Variants in ADGRL3 observed in about 807,000 individuals in gnomAD.
ADGRL3 encodes the protein calcium-independent alpha-latrotoxin receptor 3.
In ADGRL3, 62 loss-of-function variants were observed where a neutral mutation model predicts 153.5. The observed-to-expected ratio is 0.40, with a 90% CI of 0.33 to 0.50. ADGRL3 has a LOEUF of 0.50. ADGRL3 is among the 20% of genes least tolerant of loss of function. The pLI is 0.47. For synonymous variants in ADGRL3, 710 were observed against 672.5 expected, an observed-to-expected ratio of 1.06 and a Z score of -0.86; for missense variants, 1,641 against 1,859.4, an observed-to-expected ratio of 0.88 and a Z score of 2.16.
chr4:61,354,966 A>G (rs1029380736), intron 1 of ADGRL3, among the ~76,000 whole-genome samples: 1 of 152,086 alleles, frequency 6.6e-6, no homozygotes, highest in East Asian at 1.9e-4. Flanking sequence ...ATTGATTGGA[A>G]TATTTATGTT....
chr4:62,045,926 T>C (rs978949857), intron 25 of ADGRL3, among the ~76,000 whole-genome samples: 2 of 151,980 alleles, frequency 1.3e-5, no homozygotes, highest in African/African-American at 2.4e-5. Flanking sequence ...TATTCTTATC[T>C]TTTTCAATTT....
intron 1 of ADGRL3, among the ~76,000 whole-genome samples, chr4:61,365,027 A>G (rs2096369082): frequency 6.6e-6 from 1 of 152,166 alleles, no homozygotes; most frequent in African/African-American, 2.4e-5. Flanking sequence ...TCTCTAAAAG[A>G]CAGAAAAAAA....
At chr4:61,496,694 C>A (rs1242634408) in intron 2 of ADGRL3, among the ~76,000 whole-genome samples, 13 of 151,864 alleles carry the variant, frequency 8.6e-5, no homozygotes, top group Non-Finnish European at 1.8e-4. Flanking sequence ...GTAATCCCTG[C>A]ACTTTGGGAG....
chr4:62,069,252 C>T (rs1744598122), intron 26 of ADGRL3, among the ~76,000 whole-genome samples: 2 of 152,058 alleles, frequency 1.3e-5, no homozygotes, highest in Non-Finnish European at 2.9e-5. Flanking sequence ...ATCCATCACT[C>T]ATTATATAAT....
At chr4:61,362,813 T>A (rs949162357) in intron 1 of ADGRL3, among the ~76,000 whole-genome samples, 1 of 152,120 alleles carries the variant, frequency 6.6e-6, no homozygotes, top group Non-Finnish European at 1.5e-5. Context: ...AGTCAAACTA[T>A]ATAAAGTTTC....
At chr4:61,987,818 A>G (rs906494838) in intron 19 of ADGRL3, among the ~76,000 whole-genome samples, 4 of 152,110 alleles carry the variant, frequency 2.6e-5, no homozygotes, top group Admixed American at 1.3e-4. Context: ...GAATAAAACC[A>G]TTGAATATCT....
chr4:61,402,503 A>G (rs533415287), intron 2 of ADGRL3, among the ~76,000 whole-genome samples: 5 of 152,248 alleles, frequency 3.3e-5, no homozygotes, highest in South Asian at 2.1e-4. Flanking sequence ...GGACAGATCA[A>G]CTTAAAAATG....
rs114219873 is a variant in ADGRL3, at chr4:61,234,766, G to A, written c.-240+33001G>A. Reference sequence around the variant, plus strand: ...TGAAGGGTGGTGTTACCTGAAAGACGACTGCAGTAGGATGATGACCGAATG... The same window carrying A: ...TGAAGGGTGGTGTTACCTGAAAGACAACTGCAGTAGGATGATGACCGAATG... On this transcript the variant is annotated intron_variant, in intron 1 of 26. Coordinates refer to ENST00000683033, the MANE Select transcript of ADGRL3 (RefSeq NM_001387552.1). Among the ~76,000 whole-genome samples the A allele has an allele frequency of 8.7e-3, 1,320 of 152,216 alleles. 7 individuals carry two copies. Among genetic ancestry groups the A allele is most frequent in the Non-Finnish European group, 0.014 (968 of 68,002 alleles).
rs58884223 is a variant in ADGRL3 at position 61,909,761 on chromosome 4, A to ATG, written c.2073+56_2073+57dup. ...TTTGAACAAGGTAAGGACCCTAATTATGTGTGTGTGTGTGTGTGTGTGTGT... is the reference window on the plus strand; with the variant it reads ...TTTGAACAAGGTAAGGACCCTAATTATGTGTGTGTGTGTGTGTGTGTGTGTGT... On this transcript the variant is annotated intron_variant, in intron 12 of 26. Coordinates refer to ENST00000683033, the MANE Select transcript of ADGRL3 (RefSeq NM_001387552.1). The ATG allele has an allele frequency of 0.017, 20,340 of 1,183,320 alleles. 185 individuals are homozygous for ATG. Among genetic ancestry groups the ATG allele is most frequent in the Admixed American group, 0.074 (2,997 of 40,380 alleles). 73.3% of individuals were successfully genotyped at this position (1,183,320 alleles called of 1,614,324 possible). A position where few individuals can be genotyped will look rare whatever the true frequency, so the allele number is the denominator to read the frequency against.
chr4:61,828,940 C>G (rs1174162276), intron 9 of ADGRL3, among the ~76,000 whole-genome samples: 1 of 152,172 alleles, frequency 6.6e-6, no homozygotes, highest in Non-Finnish European at 1.5e-5. Flanking sequence ...CTTACCATTT[C>G]TGTTGCTCTA....
chr4:61,949,659 C>T (rs1299079857), intron 17 of ADGRL3, among the ~76,000 whole-genome samples: 2 of 151,852 alleles, frequency 1.3e-5, no homozygotes, highest in Non-Finnish European at 1.5e-5. Flanking sequence ...CGCACCAGTG[C>T]ACTCCAGCAT....
intron 1 of ADGRL3, among the ~76,000 whole-genome samples, chr4:61,333,715 GC>G (rs1255664256): frequency 6.6e-6 from 1 of 151,836 alleles, no homozygotes; most frequent in Non-Finnish European, 1.5e-5. Context: ...TCCTGCCTCA[GC>G]CTCTGGAGTA....
intron 1 of ADGRL3, among the ~76,000 whole-genome samples, chr4:61,212,769 T>A (rs899625739): frequency 2.0e-5 from 3 of 152,216 alleles, no homozygotes; most frequent in African/African-American, 7.2e-5. Flanking sequence ...GCAGAAATCT[T>A]ATGTACAATG....
chr4:62,013,261 G>T (rs965667222), intron 21 of ADGRL3, among the ~76,000 whole-genome samples: 5 of 152,076 alleles, frequency 3.3e-5, no homozygotes, highest in African/African-American at 1.2e-4. Context: ...GCTGGGCACC[G>T]CAGTGGCTCA....
chr4:62,036,605 CT>C (rs1372213813), intron 23 of ADGRL3, among the ~76,000 whole-genome samples: 1 of 151,842 alleles, frequency 6.6e-6, no homozygotes, highest in Non-Finnish European at 1.5e-5. Flanking sequence ...ATTTACATAC[CT>C]TTTTTGCTTT....
chr4:61,651,860 C>T (rs1561003782), intron 5 of ADGRL3, among the ~76,000 whole-genome samples: 1 of 151,056 alleles, frequency 6.6e-6, no homozygotes, highest in East Asian at 1.9e-4. Context: ...TAGTGATCTG[C>T]CTGCCTTGCC....
chr4:61,883,973 C>T (rs915004846), intron 9 of ADGRL3, among the ~76,000 whole-genome samples: 1 of 152,058 alleles, frequency 6.6e-6, no homozygotes, highest in African/African-American at 2.4e-5. Flanking sequence ...GTGTATTTCT[C>T]CTCTTTGTAT....
intron 5 of ADGRL3, among the ~76,000 whole-genome samples, chr4:61,643,603 G>A (rs1450398858): frequency 2.1e-4 from 31 of 145,898 alleles, no homozygotes; most frequent in South Asian, 2.2e-4. Flanking sequence ...ATTGATTTGC[G>A]TATATTGAAC....
intron 2 of ADGRL3, among the ~76,000 whole-genome samples, chr4:61,394,379 G>A (rs1378010016): frequency 1.3e-5 from 2 of 152,018 alleles, no homozygotes; most frequent in Non-Finnish European, 2.9e-5. Flanking sequence ...TGAGATGGAT[G>A]GCTGGATCGG....
Sources: allele counts gnomAD v4.1 joint callset (sites outside exome capture counted in the v4.1 genomes callset), GRCh38; gene constraint gnomAD v4.1.1; transcripts MANE v1.5; gene names NCBI Gene and HGNC (gene_info 2026-07-23, HGNC 2026-07-21).